Variants in OR51B6 observed in about 807,000 individuals in gnomAD.
OR51B6 encodes olfactory receptor family 51 subfamily B member 6.
For missense variants in OR51B6, 502 were observed against 382.2 expected (o/e 1.31, Z -2.61); for synonymous variants, 154 against 137.3 (o/e 1.12, Z -0.85).
Position 5,352,206 on chromosome 11 carries a change from C to G in OR51B6, c.699C>G (p.Ala233=). 6.2e-7 allele frequency: 1 copy of G among 1,614,112 alleles called. No homozygotes were observed. Among genetic ancestry groups the G allele is most frequent in the Non-Finnish European group, 8.5e-7 (1 of 1,179,992 alleles). ...GCATTGGTTCTGGAGGAGAAAGGGCCAAGGCCCTCAACACATGTGTCTCTC... is the reference window on the plus strand; with the variant it reads ...GCATTGGTTCTGGAGGAGAAAGGGCGAAGGCCCTCAACACATGTGTCTCTC... ...VMGIGSGGER[A]KALNTCVSHI... The change falls in exon 1 of 1, where the codon GCC becomes GCG. Residue 233 remains alanine (A), a synonymous_variant. Coordinates refer to ENST00000380219, the MANE Select transcript of OR51B6 (RefSeq NM_001004750.1).
Position 5,351,673 on chromosome 11 carries a change from C to T in OR51B6, c.166C>T (p.Pro56Ser). 6.2e-7 allele frequency: 1 copy of T among 1,614,124 alleles called. No individual in the cohort carries two copies. Among genetic ancestry groups the T allele is most frequent in the Admixed American group, 1.7e-5 (1 of 60,008 alleles). The change falls in exon 1 of 1, where the codon CCC (proline) becomes TCC (serine). Residue 56 changes from proline (P) to serine (S), a missense_variant. By Grantham distance (74) the Pro-to-Ser change is moderately conservative. Transcript: ENST00000380219. ...CAGGAATGATCATAACCTCCATGAGCCCATGTACTATTTCTTAGCTATGTT... is the reference window on the plus strand; with the variant it reads ...CAGGAATGATCATAACCTCCATGAGTCCATGTACTATTTCTTAGCTATGTT... ...LIRNDHNLHE[P>S]MYYFLAMLAA...
Position 5,352,088 on chromosome 11 carries a change from G to A in OR51B6, c.581G>A (p.Arg194His), listed in dbSNP as rs781265361. The change falls in exon 1 of 1, where the codon CGT becomes CAT. Residue 194 changes from arginine (R) to histidine (H), a missense_variant. Coordinates refer to ENST00000380219, the MANE Select transcript of OR51B6 (RefSeq NM_001004750.1). ...GCCTGTGCTGACATCACCTTCAACC[G>A]TCTCTATCCAGTTGTAGTTTTATTT... ...KLACADITFN[R>H]LYPVVVLFAM... The A allele has an allele frequency of 1.2e-5, 19 of 1,613,948 alleles. No homozygotes were observed. The highest frequency in any genetic ancestry group is 8.9e-5 in the East Asian group (4 of 44,894).
chr11:5,352,307 C>CTCATG lies in OR51B6; in HGVS notation c.803_807dup (p.Val270MetfsTer7). The CTCATG allele has an allele frequency of 6.2e-7, 1 of 1,614,158 alleles. No individual in the cohort carries two copies. Among genetic ancestry groups the CTCATG allele is most frequent in the Non-Finnish European group, 8.5e-7 (1 of 1,179,980 alleles). ...ATTCATAGGTTTGGAAAGCATGTTC[C>CTCATG]TCATGTCGTTCACATCACAATGAGC... On this transcript the variant is annotated frameshift_variant, in exon 1 of 1. Transcript: ENST00000380219. LOFTEE classifies it low-confidence loss of function (END_TRUNC).
rs1450574791 is a variant in OR51B6, at chr11:5,352,396, A to C, written c.889A>C (p.Ile297Leu). The C allele has an allele frequency of 6.2e-7, 1 of 1,612,672 alleles. No homozygotes were observed. Among genetic ancestry groups the C allele is most frequent in the South Asian group, 1.1e-5 (1 of 91,002 alleles). The change falls in exon 1 of 1, where the codon ATT becomes CTT. Residue 297 changes from isoleucine to leucine, a missense_variant. Physicochemically the swap from Ile to Leu is conservative, Grantham distance 5. Coordinates refer to ENST00000380219, the MANE Select transcript of OR51B6 (RefSeq NM_001004750.1). ...PFIYSIKTKQ[I>L]QSGILRLFSL... ...TATCTATAGCATTAAAACTAAGCAG[A>C]TTCAGAGTGGCATACTTCGTTTATT...
rs1394549794 is a variant in OR51B6 at position 5,352,100 on chromosome 11, T to C, written c.593T>C (p.Val198Ala). The stretch of plus-strand genomic sequence containing the variant: ...ATCACCTTCAACCGTCTCTATCCAG[T>C]TGTAGTTTTATTTGCAATGGTCTTG... ...ADITFNRLYP[V>A]VVLFAMVLLD... is the part of the protein sequence containing the mutation. Residue 198 changes from valine (V) to alanine (A), a missense_variant, in exon 1 of 1, where the codon GTT becomes GCT. Val to Ala is a moderately conservative substitution (Grantham distance 64, BLOSUM62 0). Transcript: ENST00000380219. The C allele has an allele frequency of 6.2e-7, 1 of 1,614,104 alleles. No individual in the cohort carries two copies. Among genetic ancestry groups the C allele is most frequent in the Non-Finnish European group, 8.5e-7 (1 of 1,179,932 alleles).
Position 5,352,027 on chromosome 11 carries a change from C to T in OR51B6, c.520C>T (p.His174Tyr). 5 of 1,613,950 alleles carry T rather than the reference C, an allele frequency of 3.1e-6. No homozygotes were observed. Among genetic ancestry groups the T allele is most frequent in the Non-Finnish European group, 3.4e-6 (4 of 1,179,838 alleles). Residue 174 changes from histidine to tyrosine, a missense_variant, in exon 1 of 1, where the codon CAT (histidine) becomes TAT (tyrosine). His to Tyr is a moderately conservative substitution (Grantham distance 83). Coordinates refer to ENST00000380219, the MANE Select transcript of OR51B6 (RefSeq NM_001004750.1). ...FPYCRSHVLS[H>Y]AFCLHQDVIK... The stretch of plus-strand genomic sequence containing the variant: ...CTACTGTCGATCCCATGTACTCTCC[C>T]ATGCTTTCTGTCTACACCAAGATGT...
At position 5,351,776 on chromosome 11, in the gene OR51B6, T is replaced by C. The variant is rs7483122; in HGVS notation, c.269T>C (p.Ile90Thr). Reference sequence around the variant, plus strand: ...GTTCTGTGGTTAGATCACAGGGAGATTGGCCATGGAGCCTGCTTCTCTCAG... The same window carrying C: ...GTTCTGTGGTTAGATCACAGGGAGACTGGCCATGGAGCCTGCTTCTCTCAG... Reference protein sequence around the residue: ...LGVLWLDHREIGHGACFSQAY... With the variant: ...LGVLWLDHRETGHGACFSQAY... The change falls in exon 1 of 1, where the codon ATT (isoleucine) becomes ACT (threonine). Residue 90 changes from isoleucine (I) to threonine (T), a missense_variant. Transcript: ENST00000380219. 413,759 of 1,613,078 alleles carry C rather than the reference T, an allele frequency of 0.26. 54,877 individuals carry two copies. The highest frequency in any genetic ancestry group is 0.31 in the African/African-American group (23,260 of 74,956).
In OR51B6 at chr11:5,351,824, C is replaced by G; in HGVS notation, c.317C>G (p.Ser106Cys). 6.2e-7 allele frequency: 1 copy of G among 1,614,040 alleles called. No homozygotes were observed. The highest frequency in any genetic ancestry group is 1.1e-5 in the South Asian group (1 of 91,076). Residue 106 changes from serine to cysteine, a missense_variant, in exon 1 of 1, where the codon TCT (serine) becomes TGT (cysteine). Physicochemically the swap from Ser to Cys is moderately radical, Grantham distance 112 (BLOSUM62 -1). Coordinates refer to ENST00000380219, the MANE Select transcript of OR51B6 (RefSeq NM_001004750.1). ...CAGGCCTATTTTATCCATACTCTTTCTGTCATGGAGTCAGGTGTCTTGCTT... is the reference window on the plus strand; with the variant it reads ...CAGGCCTATTTTATCCATACTCTTTGTGTCATGGAGTCAGGTGTCTTGCTT... ...FSQAYFIHTL[S>C]VMESGVLLAM...
Position 5,351,826 on chromosome 11 carries a change from G to C in OR51B6, c.319G>C (p.Val107Leu). The change falls in exon 1 of 1, where the codon GTC becomes CTC. Residue 107 changes from valine (V) to leucine (L), a missense_variant. Transcript: ENST00000380219. ...GGCCTATTTTATCCATACTCTTTCT[G>C]TCATGGAGTCAGGTGTCTTGCTTGC... Reference protein sequence around the residue: ...SQAYFIHTLSVMESGVLLAMA... With the variant: ...SQAYFIHTLSLMESGVLLAMA... 1.2e-6 allele frequency: 2 copies of C among 1,614,006 alleles called. No individual in the cohort carries two copies. Among genetic ancestry groups the C allele is most frequent in the Non-Finnish European group, 1.7e-6 (2 of 1,179,938 alleles).
chr11:5,351,532 A>G lies in OR51B6; in HGVS notation c.25A>G (p.Thr9Ala). 1.2e-6 allele frequency: 2 copies of G among 1,613,122 alleles called. No individual in the cohort carries two copies. Among genetic ancestry groups the G allele is most frequent in the Non-Finnish European group, 1.7e-6 (2 of 1,179,550 alleles). MGLNKSAS[T>A]FQLTGFPGME... Reference sequence around the variant, plus strand: ...AATGGGGCTCAATAAGTCTGCTTCCACCTTCCAGCTTACTGGCTTCCCAGG... The same window carrying G: ...AATGGGGCTCAATAAGTCTGCTTCCGCCTTCCAGCTTACTGGCTTCCCAGG... The change falls in exon 1 of 1, where the codon ACC (threonine) becomes GCC (alanine). Residue 9 changes from threonine to alanine, a missense_variant. Coordinates refer to ENST00000380219, the MANE Select transcript of OR51B6 (RefSeq NM_001004750.1).
chr11:5,352,025 C>T lies in OR51B6; in HGVS notation c.518C>T (p.Ser173Phe), dbSNP rs551699818. The T allele has an allele frequency of 1.2e-5, 20 of 1,613,918 alleles. No homozygotes were observed. In the South Asian group the frequency reaches 2.0e-4, roughly 16 times the overall value. The part of the protein sequence containing the change: ...WFPYCRSHVL[S>F]HAFCLHQDVI... Reference sequence around the variant, plus strand: ...CCCTACTGTCGATCCCATGTACTCTCCCATGCTTTCTGTCTACACCAAGAT... The same window carrying T: ...CCCTACTGTCGATCCCATGTACTCTTCCATGCTTTCTGTCTACACCAAGAT... Residue 173 changes from serine (S) to phenylalanine (F), a missense_variant, in exon 1 of 1, where the codon TCC (serine) becomes TTC (phenylalanine). Ser to Phe is a radical substitution (Grantham distance 155). Transcript: ENST00000380219.
chr11:5,351,950 C>A lies in OR51B6; in HGVS notation c.443C>A (p.Thr148Lys), dbSNP rs146298201. 7.4e-6 allele frequency: 12 copies of A among 1,612,942 alleles called. No individual in the cohort carries two copies. The African/African-American group carries it at 1.5e-4, about 20-fold the overall frequency. Residue 148 changes from threonine to lysine, a missense_variant, in exon 1 of 1, where the codon ACA (threonine) becomes AAA (lysine). Transcript: ENST00000380219. ...QVMKIGVRVL[T>K]RAGLSIMPIV... ...ATGAAGATTGGTGTGCGGGTATTGA[C>A]AAGGGCTGGTCTGTCCATTATGCCA... is the stretch of plus-strand genomic sequence containing the variant.
In OR51B6 at chr11:5,351,989, T is replaced by A. The variant is rs149588632; in HGVS notation, c.482T>A (p.Leu161Gln). 156 of 1,613,520 alleles carry A rather than the reference T, an allele frequency of 9.7e-5. 1 individual carries two copies. The highest frequency in any genetic ancestry group is 1.7e-4 in the Admixed American group (10 of 60,016). The change falls in exon 1 of 1, where the codon CTA becomes CAA. Residue 161 changes from leucine to glutamine, a missense_variant. Leu to Gln is a moderately radical substitution (Grantham distance 113). Coordinates refer to ENST00000380219, the MANE Select transcript of OR51B6 (RefSeq NM_001004750.1). ...GLSIMPIVVR[L>Q]HWFPYCRSHV... The stretch of plus-strand genomic sequence containing the variant: ...TCCATTATGCCAATAGTTGTTCGCC[T>A]ACACTGGTTTCCCTACTGTCGATCC...
rs1394549794 is a variant in OR51B6, at chr11:5,352,100, T to G, written c.593T>G (p.Val198Gly). The change falls in exon 1 of 1, where the codon GTT (valine) becomes GGT (glycine). Residue 198 changes from valine (V) to glycine (G), a missense_variant. Physicochemically the swap from Val to Gly is moderately radical, Grantham distance 109 (BLOSUM62 -3). Coordinates refer to ENST00000380219, the MANE Select transcript of OR51B6 (RefSeq NM_001004750.1). ...ADITFNRLYP[V>G]VVLFAMVLLD... ...ATCACCTTCAACCGTCTCTATCCAG[T>G]TGTAGTTTTATTTGCAATGGTCTTG... The G allele has an allele frequency of 6.2e-7, 1 of 1,613,986 alleles. No individual in the cohort carries two copies. The highest frequency in any genetic ancestry group is 1.7e-5 in the Admixed American group (1 of 60,006).
chr11:5,351,616 C>G lies in OR51B6; in HGVS notation c.109C>G (p.Leu37Val). The change falls in exon 1 of 1, where the codon CTT becomes GTT. Residue 37 changes from leucine to valine, a missense_variant. By Grantham distance (32) the Leu-to-Val change is conservative (BLOSUM62 1). Transcript: ENST00000380219. The part of the protein sequence containing the change: ...IPLLAAYISI[L>V]LGNGTLLFLI... The stretch of plus-strand genomic sequence containing the variant: ...ATTATTGGCAGCCTACATCTCCATA[C>G]TTCTTGGCAATGGCACTCTTCTCTT... 6.2e-7 allele frequency: 1 copy of G among 1,614,096 alleles called. No individual in the cohort carries two copies. Among genetic ancestry groups the G allele is most frequent in the Non-Finnish European group, 8.5e-7 (1 of 1,179,966 alleles).
Position 5,351,583 on chromosome 11 carries a change from T to C in OR51B6, c.76T>C (p.Phe26Leu), listed in dbSNP as rs373748810. Residue 26 changes from phenylalanine to leucine, a missense_variant, in exon 1 of 1, where the codon TTC becomes CTC. Phe to Leu is a conservative substitution (Grantham distance 22, BLOSUM62 0). Coordinates refer to ENST00000380219, the MANE Select transcript of OR51B6 (RefSeq NM_001004750.1). ...PGMEKAHHWI[F>L]IPLLAAYISI... ...CATGGAGAAGGCACATCACTGGATA[T>C]TCATCCCATTATTGGCAGCCTACAT... is the stretch of plus-strand genomic sequence containing the variant. The C allele has an allele frequency of 1.9e-5, 30 of 1,614,032 alleles. No homozygotes were observed. Among genetic ancestry groups the C allele is most frequent in the Non-Finnish European group, 2.4e-5 (28 of 1,180,000 alleles).
At position 5,351,818 on chromosome 11, in the gene OR51B6, C is replaced by G. The variant is rs1032740425; in HGVS notation, c.311C>G (p.Thr104Ser). 3 of 1,614,092 alleles carry G rather than the reference C, an allele frequency of 1.9e-6. No individual in the cohort carries two copies. The highest frequency in any genetic ancestry group is 2.5e-6 in the Non-Finnish European group (3 of 1,179,976). The stretch of plus-strand genomic sequence containing the variant: ...TTCTCTCAGGCCTATTTTATCCATA[C>G]TCTTTCTGTCATGGAGTCAGGTGTC... ...ACFSQAYFIH[T>S]LSVMESGVLL... The change falls in exon 1 of 1, where the codon ACT becomes AGT. Residue 104 changes from threonine (T) to serine (S), a missense_variant. Transcript: ENST00000380219.
chr11:5,352,065 C>G lies in OR51B6; in HGVS notation c.558C>G (p.Ala186=). The change falls in exon 1 of 1, where the codon GCC becomes GCG. Residue 186 remains alanine (A), a synonymous_variant. Transcript: ENST00000380219. ...FCLHQDVIKL[A]CADITFNRLY... The stretch of plus-strand genomic sequence containing the variant: ...TACACCAAGATGTCATCAAGCTAGC[C>G]TGTGCTGACATCACCTTCAACCGTC... 6.2e-7 allele frequency: 1 copy of G among 1,614,054 alleles called. No individual in the cohort carries two copies. Among genetic ancestry groups the G allele is most frequent in the East Asian group, 2.2e-5 (1 of 44,878 alleles).
chr11:5,352,086 C>A lies in OR51B6; in HGVS notation c.579C>A (p.Asn193Lys). 2 of 1,614,140 alleles carry A rather than the reference C, an allele frequency of 1.2e-6. No homozygotes were observed. The highest frequency in any genetic ancestry group is 1.7e-6 in the Non-Finnish European group (2 of 1,179,962). ...IKLACADITF[N>K]RLYPVVVLFA... ...TAGCCTGTGCTGACATCACCTTCAA[C>A]CGTCTCTATCCAGTTGTAGTTTTAT... The change falls in exon 1 of 1, where the codon AAC becomes AAA. Residue 193 changes from asparagine to lysine, a missense_variant. Asn to Lys is a moderately conservative substitution (Grantham distance 94). Transcript: ENST00000380219.
Sources: allele counts gnomAD v4.1 joint callset, GRCh38; gene constraint gnomAD v4.1.1; transcripts MANE v1.5; gene names NCBI Gene and HGNC (gene_info 2026-07-23, HGNC 2026-07-21).